The following HIRA variants were observed in gnomAD, a reference collection of about 807,000 sequenced individuals.
The protein encoded by HIRA is protein HIRA.
In HIRA, 13 loss-of-function variants were observed where a neutral mutation model predicts 126.6. The observed-to-expected ratio is 0.10, with a 90% confidence interval of 0.07 to 0.16. The LOEUF is 0.16. Ranked by LOEUF, HIRA falls within the 10% of genes least tolerant of loss-of-function variation. The pLI, the probability that HIRA is intolerant of heterozygous loss-of-function variation, is 1.00. For missense variants in HIRA, 834 were observed against 1,314.4 expected, an observed-to-expected ratio of 0.63 and a Z score of 5.65; for synonymous variants, 511 against 520.0, an observed-to-expected ratio of 0.98 and a Z score of 0.24.
intron 15 of HIRA, among the ~76,000 whole-genome samples, chr22:19,363,947 A>G (rs2088889318): frequency 6.6e-6 from 1 of 152,216 alleles, no homozygotes; most frequent in African/African-American, 2.4e-5. Context: ...AATGATGAAT[A>G]TATGTCATTA....
rs370110353 is a variant in HIRA, at chr22:19,408,610, G to C, written c.101-17C>G. On this transcript the variant is annotated splice_polypyrimidine_tract_variant and intron_variant, in intron 2 of 24. Transcript: ENST00000263208. ...AATCCTGCCCTGGAACAAAGGAGCA[G>C]AAATGGCTGAATGTGCAAGGAGTAG... 16 of 1,438,410 alleles carry C rather than the reference G, an allele frequency of 1.1e-5. No homozygotes were observed. The African/African-American group carries it at 2.0e-4, about 18-fold the overall frequency. The allele number at this position is 1,438,410 out of a possible 1,614,324, so 89.1% of individuals were successfully genotyped here.
intron 2 of HIRA, among the ~76,000 whole-genome samples, chr22:19,410,389 T>C (rs2089342926): frequency 6.6e-6 from 1 of 152,208 alleles, no homozygotes; most frequent in Non-Finnish European, 1.5e-5. Context: ...AGAGCCCTTG[T>C]CTCTGGGGCT....
chr22:19,396,242 G>A (rs1237708326), intron 7 of HIRA, among the ~76,000 whole-genome samples: 2 of 152,190 alleles, frequency 1.3e-5, no homozygotes, highest in Admixed American at 6.5e-5. Flanking sequence ...CGGGCCAGGC[G>A]CAGTGACTCA....
intron 9 of HIRA, among the ~76,000 whole-genome samples, chr22:19,389,194 T>C (rs938091011): frequency 5.9e-5 from 9 of 152,234 alleles, no homozygotes; most frequent in African/African-American, 2.2e-4. Context: ...GTCTGTTTTT[T>C]CATTTAACAC....
In HIRA at chr22:19,357,042, C is replaced by G. The variant is rs782304041; in HGVS notation, c.2244G>C (p.Val748=). ...ILTAAGSCDV[V]CVACEKRMLS... is the part of the protein sequence containing the mutation. The stretch of plus-strand genomic sequence containing the variant: ...GCATCCTTTTTTCACAGGCGACACA[C>G]ACCACGTCACTGAGAAGGCAGAGTG... Residue 748 remains valine (V), a synonymous_variant, in exon 19 of 25, where the codon GTG becomes GTC. Transcript: ENST00000263208. 3.1e-6 allele frequency: 5 copies of G among 1,614,068 alleles called. No homozygotes were observed. The South Asian group carries it at 5.5e-5, about 18-fold the overall frequency.
intron 24 of HIRA, among the ~76,000 whole-genome samples, chr22:19,348,615 C>T (rs1218676761): frequency 6.6e-6 from 1 of 151,866 alleles, no homozygotes; most frequent in Non-Finnish European, 1.5e-5. Context: ...CCTGCCTCAG[C>T]CTCCCAAGTA....
intron 15 of HIRA, among the ~76,000 whole-genome samples, chr22:19,374,805 G>A (rs931393779): frequency 4.6e-5 from 7 of 152,204 alleles, no homozygotes; most frequent in Non-Finnish European, 7.3e-5. Context: ...ACAGGCTAGG[G>A]TGTGTCTGCC....
chr22:19,384,734 A>T (rs1167428162), intron 12 of HIRA, among the ~76,000 whole-genome samples: 2 of 151,494 alleles, frequency 1.3e-5, no homozygotes, highest in African/African-American at 2.4e-5. Flanking sequence ...GGCACACTGC[A>T]ATATCTGCTT....
chr22:19,340,974 C>G (rs1020534569), intron 24 of HIRA, among the ~76,000 whole-genome samples: 16 of 152,180 alleles, frequency 1.1e-4, no homozygotes, highest in African/African-American at 3.9e-4. Flanking sequence ...TCCCATCAAA[C>G]TACCATGATT....
At chr22:19,427,577 T>C (rs998843144) in intron 1 of HIRA, among the ~76,000 whole-genome samples, 1 of 152,230 alleles carries the variant, frequency 6.6e-6, no homozygotes, top group Non-Finnish European at 1.5e-5. Flanking sequence ...CATAAGGCCA[T>C]GTGATTACCA....
At chr22:19,338,307 C>T (rs567078120) in intron 24 of HIRA, among the ~76,000 whole-genome samples, 1 of 151,454 alleles carries the variant, frequency 6.6e-6, no homozygotes, top group Non-Finnish European at 1.5e-5. Flanking sequence ...ACAAGAAATG[C>T]TAAAAGGAGT....
intron 18 of HIRA, among the ~76,000 whole-genome samples, chr22:19,358,984 AG>A (rs1245314301): frequency 1.3e-5 from 2 of 152,216 alleles, no homozygotes; most frequent in African/African-American, 4.8e-5. Context: ...GATCCAAAAA[AG>A]GAACCAGCCC....
intron 5 of HIRA, 40 bp from the exon 6 acceptor site, chr22:19,398,127 G>A (rs751621241): frequency 6.7e-7 from 1 of 1,483,750 alleles, no homozygotes; most frequent in Non-Finnish European, 9.4e-7. Context: ...TCTCTTACCT[G>A]GTGATGCCCT....
intron 15 of HIRA, among the ~76,000 whole-genome samples, chr22:19,365,260 G>A (rs1427056638): frequency 6.6e-6 from 1 of 152,214 alleles, no homozygotes; most frequent in Non-Finnish European, 1.5e-5. Context: ...TAAGATCATG[G>A]ATGAAGGTGG....
intron 3 of HIRA, among the ~76,000 whole-genome samples, chr22:19,407,631 A>G (rs1200433544): frequency 6.6e-6 from 1 of 152,268 alleles, no homozygotes; most frequent in Non-Finnish European, 1.5e-5. Flanking sequence ...AGTAGAGATT[A>G]TTCTCAAAAA....
intron 13 of HIRA, among the ~76,000 whole-genome samples, chr22:19,381,984 A>G (rs1009131516): frequency 2.6e-5 from 4 of 152,158 alleles, no homozygotes; most frequent in African/African-American, 9.7e-5. Context: ...TTCAAAAACC[A>G]TCCACTTTCT....
chr22:19,390,432 A>G (rs2089167737), intron 9 of HIRA, among the ~76,000 whole-genome samples: 1 of 151,724 alleles, frequency 6.6e-6, no homozygotes, highest in South Asian at 2.1e-4. Flanking sequence ...ATCTTTACTA[A>G]AATTACAAAA....
chr22:19,350,688 G>C (rs2146186847), intron 24 of HIRA, among the ~76,000 whole-genome samples: 1 of 151,954 alleles, frequency 6.6e-6, no homozygotes, highest in East Asian at 1.9e-4. Context: ...TGCCAACTCT[G>C]CCAAGAAGAA....
intron 11 of HIRA, 119 bp downstream of exon 11, chr22:19,387,592 A>G (rs1351099985): frequency 1.5e-6 from 1 of 653,600 alleles, no homozygotes; most frequent in Admixed American, 2.7e-5. Flanking sequence ...ACCCCATTAC[A>G]TGTTAAGAAA....
Sources: allele counts gnomAD v4.1 joint callset (sites outside exome capture counted in the v4.1 genomes callset), GRCh38; gene constraint gnomAD v4.1.1; transcripts MANE v1.5; gene names NCBI Gene and HGNC (gene_info 2026-07-23, HGNC 2026-07-21).